Variants in RPL7 observed in about 807,000 individuals in gnomAD.
RPL7 encodes the protein ribosomal protein L7, also known as large ribosomal subunit protein uL30.
For synonymous variants in RPL7, 100 were observed against 102.2 expected, an observed-to-expected ratio of 0.98 and a Z score of 0.13; for missense variants, 205 against 301.9, an observed-to-expected ratio of 0.68 and a Z score of 2.38.
At chr8:73,292,035 A>C (rs1289588019) in intron 3 of RPL7, 125 bp from the exon 4 acceptor site, 1 of 1,320,746 alleles carries the variant, frequency 7.6e-7, no homozygotes, top group Non-Finnish European at 1.1e-6. Context: ...TTACACACTG[A>C]ATTTCTGTAT....
upstream of RPL7, chr8:73,293,758 T>G (rs1429708095): frequency 1.1e-6 from 1 of 918,676 alleles, no homozygotes; most frequent in African/African-American, 1.7e-5. Flanking sequence ...CGCAAAGAAC[T>G]CCCTGATTTA....
intron 3 of RPL7, 113 bp from the exon 4 acceptor site, chr8:73,292,023 T>C (rs571047406): frequency 2.9e-6 from 4 of 1,357,986 alleles, no homozygotes; most frequent in South Asian, 1.3e-5. Flanking sequence ...AATCCTCTCA[T>C]GTTACACACT....
intron 6 of RPL7, 107 bp downstream of exon 6, chr8:73,290,934 ACT>A (rs1445389301): frequency 2.4e-6 from 2 of 816,712 alleles, no homozygotes; most frequent in Non-Finnish European, 4.0e-6. Flanking sequence ...CCACAAAAGC[ACT>A]GATTAAAATT....
rs1373773269 is a variant in RPL7 at position 73,290,308 on chromosome 8, AATT to A, written c.*396_*398del. Reference sequence around the variant, plus strand: ...TAAACAAGCGAAGGCCCGAGAAATAAATTTTAGCAACTAAATTCAATTTTTTCC... The same window carrying A: ...TAAACAAGCGAAGGCCCGAGAAATAATTAGCAACTAAATTCAATTTTTTCC... On this transcript the variant is annotated 3_prime_UTR_variant, in exon 7 of 7. Coordinates refer to ENST00000352983, the MANE Select transcript of RPL7 (RefSeq NM_000971.4). The A allele has an allele frequency of 6.6e-6, 1 of 152,250 alleles. No individual in the cohort carries two copies. Among genetic ancestry groups the A allele is most frequent in the Admixed American group, 6.5e-5 (1 of 15,286 alleles). The allele number at this position is 152,250 out of a possible 1,614,324, so 9.4% of individuals were successfully genotyped here.
Position 73,291,061 on chromosome 8 carries a change from T to G in RPL7, c.730A>C (p.Ile244Leu), listed in dbSNP as rs777644144. Reference protein sequence around the residue: ...GNREDQINRLIRRMN With the variant: ...GNREDQINRLLRRMN ...CTCTCACCTTAGTTCATTCTTCTAATAAGCCTGTTGATCTGGTCCTCCCTG... is the reference window on the plus strand; with the variant it reads ...CTCTCACCTTAGTTCATTCTTCTAAGAAGCCTGTTGATCTGGTCCTCCCTG... Residue 244 changes from isoleucine (I) to leucine (L), a missense_variant, in exon 6 of 7, where the codon ATT becomes CTT. Transcript: ENST00000352983. 9.6e-5 allele frequency: 155 copies of G among 1,609,478 alleles called. No homozygotes were observed. The highest frequency in any genetic ancestry group is 1.2e-4 in the Non-Finnish European group (146 of 1,177,530).
At chr8:73,293,696 T>C, upstream of RPL7, 1 of 1,544,168 alleles carries the variant, frequency 6.5e-7, no homozygotes, top group Admixed American at 1.8e-5. Context: ...GACTCATAGG[T>C]GTCTTAGAAT....
intron 1 of RPL7, chr8:73,293,039 T>C (rs1398043335): frequency 1.6e-5 from 6 of 382,410 alleles, no homozygotes; most frequent in African/African-American, 1.3e-4. Context: ...TTTTCCCTAT[T>C]TCAACCAAGA....
At chr8:73,291,373 C>T in intron 5 of RPL7, 121 bp from the exon 6 acceptor site, 1 of 870,472 alleles carries the variant, frequency 1.1e-6, no homozygotes, top group Non-Finnish European at 1.8e-6. Flanking sequence ...AAGGTAAATG[C>T]ATGGCTTTAC....
At chr8:73,292,858 C>T in intron 1 of RPL7, 61 bp from the exon 2 acceptor site, 1 of 1,227,576 alleles carries the variant, frequency 8.1e-7, no homozygotes, top group Non-Finnish European at 1.2e-6. Flanking sequence ...CTGTATTACT[C>T]CCGTACTGAG....
intron 6 of RPL7, 114 bp downstream of exon 6, chr8:73,290,929 A>C: frequency 1.2e-6 from 1 of 803,864 alleles, no homozygotes; most frequent in Admixed American, 2.3e-5. Flanking sequence ...ACTCCCCACA[A>C]AAGCACTGAT....
intron 1 of RPL7, chr8:73,293,271 C>T: frequency 2.7e-6 from 1 of 370,908 alleles, no homozygotes; most frequent in Non-Finnish European, 5.0e-6. Context: ...GAGGCCTGTA[C>T]CAAGCACCAG....
intron 1 of RPL7, 113 bp from the exon 2 acceptor site, chr8:73,292,910 T>A (rs1814139115): frequency 1.4e-6 from 1 of 714,356 alleles, no homozygotes; most frequent in Non-Finnish European, 2.3e-6. Context: ...CTTTAGTCAC[T>A]AGTAACTTTA....
chr8:73,292,950 C>T (rs572046212), intron 1 of RPL7, 153 bp from the exon 2 acceptor site: 17 of 529,074 alleles, frequency 3.2e-5, no homozygotes, highest in Non-Finnish European at 5.0e-5. Flanking sequence ...GTGTACGATG[C>T]ATATTTTAGC....
intron 1 of RPL7, 51 bp from the exon 2 acceptor site, chr8:73,292,848 C>T: frequency 1.5e-6 from 2 of 1,345,384 alleles, no homozygotes; most frequent in Non-Finnish European, 2.1e-6. Context: ...GCTCACAGCG[C>T]TGTATTACTC....
chr8:73,292,104 A>G, intron 3 of RPL7, 135 bp downstream of exon 3: 1 of 1,093,104 alleles, frequency 9.1e-7, no homozygotes, highest in Middle Eastern at 2.7e-4. Context: ...ACCATTAGTG[A>G]TCAGCACCCT....
At chr8:73,292,913 T>C (rs1814139247) in intron 1 of RPL7, 116 bp from the exon 2 acceptor site, 2 of 688,328 alleles carry the variant, frequency 2.9e-6, no homozygotes, top group African/African-American at 1.8e-5. Context: ...TAGTCACTAG[T>C]AACTTTACTT....
At chr8:73,293,877 C>T, upstream of RPL7, 1 of 433,070 alleles carries the variant, frequency 2.3e-6, no homozygotes, top group South Asian at 2.2e-5. Flanking sequence ...TTGGCAACTC[C>T]GGGTCCTAAT....
chr8:73,291,997 T>TAC, intron 3 of RPL7, 87 bp from the exon 4 acceptor site: 3 of 1,504,120 alleles, frequency 2.0e-6, no homozygotes, highest in Non-Finnish European at 2.8e-6. Flanking sequence ...TATCGAATCC[T>TAC]ACCTAAACAG....
chr8:73,294,261 T>A (rs1586183825), upstream of RPL7: 3 of 152,772 alleles, frequency 2.0e-5, no homozygotes, highest in Admixed American at 6.5e-5. Flanking sequence ...GTGCTCTAGC[T>A]TACGAAAAGT....
Sources: allele counts gnomAD v4.1 joint callset, GRCh38; gene constraint gnomAD v4.1.1; transcripts MANE v1.5; gene names NCBI Gene and HGNC (gene_info 2026-07-23, HGNC 2026-07-21).